SLC25A33: variants seen among roughly 807,000 people sequenced by gnomAD.
The protein encoded by SLC25A33 is bone marrow stromal cell mitochondrial carrier protein.
Under a neutral mutation model 35.5 loss-of-function variants are expected in SLC25A33, and 15 were observed. That is an observed-to-expected ratio of 0.42 (90% confidence interval 0.28 to 0.65). SLC25A33 has a LOEUF of 0.65. Among genes scored for constraint, SLC25A33 ranks in the 30% least tolerant of loss-of-function variants. The pLI is 0.20. For missense variants in SLC25A33, 257 were observed against 398.5 expected, an observed-to-expected ratio of 0.64 and a Z score of 3.02; for synonymous variants, 136 against 148.7, an observed-to-expected ratio of 0.91 and a Z score of 0.62.
intron 2 of SLC25A33, among the ~76,000 whole-genome samples, chr1:9,562,671 A>G (rs1643440216): frequency 6.6e-6 from 1 of 151,964 alleles, no homozygotes; most frequent in South Asian, 2.1e-4. Flanking sequence ...CCTGACCAAC[A>G]TGGAGAAACC....
intron 1 of SLC25A33, 50 bp from the exon 2 acceptor site, chr1:9,553,576 T>G: frequency 1.9e-6 from 3 of 1,587,996 alleles, no homozygotes; most frequent in Non-Finnish European, 8.6e-7. Flanking sequence ...AGCATTCCAT[T>G]GTGTAGGGAA....
intron 1 of SLC25A33, among the ~76,000 whole-genome samples, chr1:9,548,648 T>C (rs1309725510): frequency 1.3e-5 from 2 of 152,212 alleles, no homozygotes; most frequent in African/African-American, 4.8e-5. Context: ...ATGTTATTTC[T>C]TTCTGTATGC....
At position 9,582,441 on chromosome 1, in the gene SLC25A33, T is replaced by G. The variant is rs1643759314; in HGVS notation, c.906T>G (p.Thr302=). The G allele has an allele frequency of 6.2e-7, 1 of 1,613,858 alleles. No homozygotes were observed. The highest frequency in any genetic ancestry group is 1.3e-5 in the African/African-American group (1 of 74,934). The change falls in exon 7 of 7, where the codon ACT becomes ACG. Residue 302 remains threonine (T), a synonymous_variant. Coordinates refer to ENST00000302692, the MANE Select transcript of SLC25A33 (RefSeq NM_032315.3). This position sits in a 1 kb window ranked among gnomAD's most constrained non-coding sequence, Gnocchi z 4.0. ...FAQLIRQIPN[T]AIVLSTYELI... Reference sequence around the variant, plus strand: ...AGCTTATCCGGCAGATCCCAAATACTGCCATTGTGTTGTCTACTTATGAGT... The same window carrying G: ...AGCTTATCCGGCAGATCCCAAATACGGCCATTGTGTTGTCTACTTATGAGT...
At chr1:9,539,947 C>G (rs998475709) in intron 1 of SLC25A33, among the ~76,000 whole-genome samples, 200 bp downstream of exon 1, 1 of 152,136 alleles carries the variant, frequency 6.6e-6, no homozygotes, top group Admixed American at 6.5e-5. Context: ...ACCCCTACGT[C>G]CTGACCGCAG....
chr1:9,562,450 AGGTTGTAT>A (rs1331491407), intron 2 of SLC25A33, among the ~76,000 whole-genome samples: 2 of 152,136 alleles, frequency 1.3e-5, no homozygotes, highest in African/African-American at 4.8e-5. Context: ...CAGGAGGCAG[AGGTTGTAT>A]GGGATCACTT....
At chr1:9,564,765 T>TATATATACAC (rs59741987) in intron 2 of SLC25A33, among the ~76,000 whole-genome samples, 56 of 114,806 alleles carry the variant, frequency 4.9e-4, no homozygotes, top group African/African-American at 1.6e-3. Flanking sequence ...TATATATATA[T>TATATATACAC]ACACAAAAAT....
chr1:9,546,512 A>G (rs1034118123), intron 1 of SLC25A33, among the ~76,000 whole-genome samples: 3 of 152,144 alleles, frequency 2.0e-5, no homozygotes, highest in African/African-American at 4.8e-5. Context: ...GCACTTTGGC[A>G]TCAGTGACTG....
chr1:9,553,206 T>TTTG (rs2100379910), intron 1 of SLC25A33, among the ~76,000 whole-genome samples: 1 of 84,392 alleles, frequency 1.2e-5, no homozygotes, highest in South Asian at 3.7e-4. Context: ...TAGTTTTGTT[T>TTTG]TTTTTTTTTT....
At position 9,539,850 on chromosome 1, in the gene SLC25A33, C is replaced by T. The variant is rs916944194; in HGVS notation, c.56+103C>T. Reference sequence around the variant, plus strand: ...TCCCGCGGCGGTTACCGGCCTTCCCCGGGCTACGGCGCCGGCGCTCGGGAG... The same window carrying T: ...TCCCGCGGCGGTTACCGGCCTTCCCTGGGCTACGGCGCCGGCGCTCGGGAG... On this transcript the variant is annotated intron_variant, in intron 1 of 6. Coordinates refer to ENST00000302692, the MANE Select transcript of SLC25A33 (RefSeq NM_032315.3). 9 of 1,077,086 alleles carry T rather than the reference C, an allele frequency of 8.4e-6. No homozygotes were observed. The African/African-American group carries it at 1.2e-4, about 14-fold the overall frequency. The allele number at this position is 1,077,086 out of a possible 1,614,324, so 66.7% of individuals were successfully genotyped here.
At chr1:9,579,275 G>A (rs1463616383) in intron 5 of SLC25A33, among the ~76,000 whole-genome samples, 14 of 152,102 alleles carry the variant, frequency 9.2e-5, no homozygotes, top group Non-Finnish European at 1.5e-5. Flanking sequence ...TGTCTACCAG[G>A]AGACAGCCCC....
chr1:9,580,533 T>C (rs1643727349), intron 6 of SLC25A33, among the ~76,000 whole-genome samples: 1 of 152,170 alleles, frequency 6.6e-6, no homozygotes, highest in African/African-American at 2.4e-5. Flanking sequence ...TTAATATTCC[T>C]TGAATCAAAA....
chr1:9,570,864 C>T (rs1643580788), intron 4 of SLC25A33, among the ~76,000 whole-genome samples: 1 of 151,830 alleles, frequency 6.6e-6, no homozygotes, highest in African/African-American at 2.4e-5. Flanking sequence ...AAGTATTTGC[C>T]ACCATGCCTG....
chr1:9,567,191 C>T (rs906880300), intron 2 of SLC25A33, 93 bp from the exon 3 acceptor site: 2 of 1,023,248 alleles, frequency 2.0e-6, no homozygotes, highest in Non-Finnish European at 3.0e-6. Flanking sequence ...ACATTTTATT[C>T]TCTCAAGGAA....
At position 9,580,177 on chromosome 1, in the gene SLC25A33, C is replaced by A; in HGVS notation, c.706C>A (p.Leu236Ile). ...GAAAAATTCCACAAGTTTTTTTGGA[C>A]TTATGGCAGCTGCTGCTCTTTCTAA... ...TEKNSTSFFG[L>I]MAAAALSKGC... is the part of the protein sequence containing the mutation. Residue 236 changes from leucine (L) to isoleucine (I), a missense_variant, in exon 6 of 7, where the codon CTT becomes ATT. By Grantham distance (5) the Leu-to-Ile change is conservative (BLOSUM62 2). Transcript: ENST00000302692. The A allele has an allele frequency of 1.9e-6, 3 of 1,609,070 alleles. No homozygotes were observed. Among genetic ancestry groups the A allele is most frequent in the Non-Finnish European group, 2.5e-6 (3 of 1,178,212 alleles).
chr1:9,567,446 G>T, intron 3 of SLC25A33, 85 bp downstream of exon 3: 1 of 1,236,452 alleles, frequency 8.1e-7, no homozygotes, highest in Non-Finnish European at 1.2e-6. Context: ...GCTGCTGAAT[G>T]ACCAGTGTCT....
intron 2 of SLC25A33, among the ~76,000 whole-genome samples, chr1:9,563,431 A>G (rs1643455008): frequency 6.6e-6 from 1 of 152,224 alleles, no homozygotes; most frequent in Non-Finnish European, 1.5e-5. Context: ...AATCTAGAGC[A>G]TGAAAAGTTA....
In SLC25A33 at chr1:9,583,680, A is replaced by AGAAAGCACTG. The variant is rs951539144; in HGVS notation, c.*1181_*1190dup. The stretch of plus-strand genomic sequence containing the variant: ...CCCGTCAGAGAGCTCACATTCTGAT[A>AGAAAGCACTG]GAAAGCACTGGGATTGTTTAAATAT... On this transcript the variant is annotated 3_prime_UTR_variant, in exon 7 of 7. Coordinates refer to ENST00000302692, the MANE Select transcript of SLC25A33 (RefSeq NM_032315.3). 1 of 152,134 alleles carries AGAAAGCACTG rather than the reference A, an allele frequency of 6.6e-6. No homozygotes were observed. Among genetic ancestry groups the AGAAAGCACTG allele is most frequent in the African/African-American group, 2.4e-5 (1 of 41,436 alleles). The allele number at this position is 152,134 out of a possible 1,614,324, so 9.4% of individuals were successfully genotyped here.
chr1:9,563,426 AGAG>A (rs1440722586), intron 2 of SLC25A33, among the ~76,000 whole-genome samples: 4 of 152,218 alleles, frequency 2.6e-5, no homozygotes, highest in African/African-American at 9.6e-5. Context: ...CAGAGAATCT[AGAG>A]CATGAAAAGT....
chr1:9,553,282 A>G (rs1643295284), intron 1 of SLC25A33, among the ~76,000 whole-genome samples: 2 of 121,494 alleles, frequency 1.6e-5, no homozygotes, highest in African/African-American at 6.4e-5. Flanking sequence ...GCTGGAGTGC[A>G]GTGGCACAAT....
Sources: gnomAD v4.1 joint callset for allele counts (sites outside exome capture counted in the v4.1 genomes callset) on GRCh38, gnomAD v4.1.1 for gene constraint, Gnocchi (gnomAD v3.1) non-coding constraint, MANE v1.5 for transcripts, NCBI Gene and HGNC (gene_info 2026-07-23, HGNC 2026-07-21) for gene names.